CALN1: variants seen among roughly 807,000 people sequenced by gnomAD.
CALN1 encodes calcium-binding protein 8.
In CALN1, 17 loss-of-function variants were observed where a neutral mutation model predicts 30.6. The observed-to-expected ratio is 0.56, with a 90% CI of 0.38 to 0.83. The LOEUF is 0.83. Ranked by LOEUF, CALN1 falls within the 40% of genes least tolerant of loss-of-function variation. The pLI, the probability that CALN1 is intolerant of heterozygous loss-of-function variation, is 0.00. For synonymous variants in CALN1, 156 were observed against 131.4 expected (o/e 1.19, Z -1.28); for missense variants, 291 against 354.9 (o/e 0.82, Z 1.45).
intron 2 of CALN1, among the ~76,000 whole-genome samples, chr7:72,328,912 G>A (rs984749379): frequency 6.6e-6 from 1 of 152,238 alleles, no homozygotes; most frequent in South Asian, 2.1e-4. Context: ...GGCCAGGCTG[G>A]TCTTGAACTC....
chr7:71,784,618 C>T lies in CALN1; in HGVS notation c.*3157G>A, dbSNP rs1289296432. The T allele has an allele frequency of 2.8e-5, 11 of 390,654 alleles. No individual in the cohort carries two copies. Among genetic ancestry groups the T allele is most frequent in the Non-Finnish European group, 5.0e-5 (11 of 221,856 alleles). The allele number at this position is 390,654 out of a possible 1,614,324, so 24.2% of individuals were successfully genotyped here. The stretch of plus-strand genomic sequence containing the variant: ...CTCCCAAGGAAAATGCCTTCTTGCT[C>T]ATCACTTGTGCTTTCCAGGGGGGCG... On this transcript the variant is annotated 3_prime_UTR_variant, in exon 7 of 7. Coordinates refer to ENST00000395275, the MANE Select transcript of CALN1 (RefSeq NM_031468.4).
chr7:72,242,952 A>G (rs1179026056), intron 3 of CALN1, among the ~76,000 whole-genome samples: 1 of 152,234 alleles, frequency 6.6e-6, no homozygotes, highest in Non-Finnish European at 1.5e-5. Context: ...GAAAAATAAT[A>G]CTAAAGTTAG....
intron 2 of CALN1, among the ~76,000 whole-genome samples, chr7:72,287,435 A>ATTTTTTTTTT (rs71069052): frequency 8.8e-5 from 6 of 68,038 alleles, no homozygotes; most frequent in African/African-American, 2.4e-4. Flanking sequence ...CACCAAATTA[A>ATTTTTTTTTT]TTTTTTTTTT....
At chr7:72,424,343 G>A (rs1807728732) in intron 1 of CALN1, among the ~76,000 whole-genome samples, 1 of 152,258 alleles carries the variant, frequency 6.6e-6, no homozygotes, top group East Asian at 1.9e-4. Context: ...ACCCACTTGA[G>A]TTGAGTCATA....
chr7:71,888,479 C>CA (rs1415158263), intron 5 of CALN1, among the ~76,000 whole-genome samples: 2 of 127,366 alleles, frequency 1.6e-5, no homozygotes, highest in Non-Finnish European at 3.3e-5. Flanking sequence ...AAAAAAAAAG[C>CA]AAAAAAACAA....
At chr7:71,911,933 G>A (rs1794445346) in intron 5 of CALN1, among the ~76,000 whole-genome samples, 1 of 152,054 alleles carries the variant, frequency 6.6e-6, no homozygotes, top group Non-Finnish European at 1.5e-5. Context: ...ACATGAAGGG[G>A]CTTCACCAAA....
intron 3 of CALN1, among the ~76,000 whole-genome samples, chr7:72,124,625 C>T (rs998325226): frequency 2.6e-5 from 4 of 151,528 alleles, no homozygotes; most frequent in African/African-American, 7.3e-5. Flanking sequence ...GCACTCTAAC[C>T]TGGGAGACAG....
intron 2 of CALN1, among the ~76,000 whole-genome samples, chr7:72,359,612 G>T (rs935071192): frequency 1.3e-5 from 2 of 152,094 alleles, no homozygotes; most frequent in African/African-American, 4.8e-5. Context: ...TGACAAAAAA[G>T]AATAACCTGA....
intron 3 of CALN1, among the ~76,000 whole-genome samples, chr7:72,275,292 A>T (rs1797262660): frequency 6.6e-6 from 1 of 152,088 alleles, no homozygotes; most frequent in Non-Finnish European, 1.5e-5. Flanking sequence ...CAACCAGCAG[A>T]ACTTTAGGGT....
At chr7:71,948,708 G>A (rs1458225962) in intron 5 of CALN1, among the ~76,000 whole-genome samples, 1 of 149,810 alleles carries the variant, frequency 6.7e-6, no homozygotes, top group Non-Finnish European at 1.5e-5. Context: ...TCCAGCCTGG[G>A]TGACAGAGAG....
intron 3 of CALN1, among the ~76,000 whole-genome samples, chr7:72,220,409 A>G (rs1030314412): frequency 1.4e-4 from 21 of 152,000 alleles, no homozygotes; most frequent in African/African-American, 4.1e-4. Context: ...TCCATGGTGT[A>G]TATGTGCCAC....
chr7:72,035,613 T>C (rs1457274575), intron 4 of CALN1, among the ~76,000 whole-genome samples: 1 of 152,218 alleles, frequency 6.6e-6, no homozygotes, highest in Non-Finnish European at 1.5e-5. Flanking sequence ...TTTTTGTGTA[T>C]ATTTTATATC....
At chr7:72,266,522 C>CT (rs1796607744) in intron 3 of CALN1, among the ~76,000 whole-genome samples, 1 of 152,120 alleles carries the variant, frequency 6.6e-6, no homozygotes, top group Non-Finnish European at 1.5e-5. Flanking sequence ...CAATGTGTTC[C>CT]TTTAAGGGGC....
At chr7:71,967,310 C>A (rs1222012142) in intron 5 of CALN1, among the ~76,000 whole-genome samples, 2 of 151,742 alleles carry the variant, frequency 1.3e-5, no homozygotes, top group Admixed American at 1.3e-4. Flanking sequence ...TATAATATGG[C>A]AGAAAATATC....
intron 5 of CALN1, among the ~76,000 whole-genome samples, chr7:71,953,224 C>T (rs997487832): frequency 1.3e-5 from 2 of 152,114 alleles, no homozygotes; most frequent in Admixed American, 1.3e-4. Flanking sequence ...TCCCAAGTAG[C>T]TGGGACTACG....
chr7:71,844,991 G>C (rs552818431), intron 5 of CALN1, among the ~76,000 whole-genome samples: 1 of 152,134 alleles, frequency 6.6e-6, no homozygotes, highest in African/African-American at 2.4e-5. Context: ...CCGGGTTCAA[G>C]CAGTACCTCA....
At position 72,079,471 on chromosome 7, in the gene CALN1, C is replaced by A. The variant is rs142843958; in HGVS notation, c.388+26680G>T. Among the ~76,000 whole-genome samples, 58 of 152,228 alleles carry A rather than the reference C, an allele frequency of 3.8e-4. No homozygotes were observed. In the East Asian group the frequency reaches 9.9e-3, roughly 26 times the overall value. On this transcript the variant is annotated intron_variant, in intron 4 of 6. Coordinates refer to ENST00000395275, the MANE Select transcript of CALN1 (RefSeq NM_031468.4). ...ACTTTTCCTTTTGCCACGTAGCTCA[C>A]GGCCACACAGCTATTAAGTTGGTAC...
rs547221606 is a variant in CALN1, at chr7:72,335,047, A to G, written c.120-56237T>C. 2.6e-5 allele frequency among the ~76,000 whole-genome samples: 4 copies of G among 152,322 alleles called. No homozygotes were observed. In the East Asian group the frequency reaches 5.8e-4, roughly 22 times the overall value. On this transcript the variant is annotated intron_variant, in intron 2 of 6. Transcript: ENST00000395275. ...TTCCTGGAGCCCTGGAATGAATCCT[A>G]AACTGGGCGTGGTGACAGAACCACA... is the stretch of plus-strand genomic sequence containing the variant.
At chr7:72,111,335 G>A (rs1807561858) in intron 3 of CALN1, among the ~76,000 whole-genome samples, 1 of 152,212 alleles carries the variant, frequency 6.6e-6, no homozygotes, top group African/African-American at 2.4e-5. Context: ...ATCAAAGTTG[G>A]CGTTCCCACA....
Sources: gnomAD v4.1 joint callset for allele counts (sites outside exome capture counted in the v4.1 genomes callset) on GRCh38, gnomAD v4.1.1 for gene constraint, MANE v1.5 for transcripts, NCBI Gene and HGNC (gene_info 2026-07-23, HGNC 2026-07-21) for gene names.